B4GALT1: variants seen among roughly 807,000 people sequenced by gnomAD.
The protein encoded by B4GALT1 is N-acetyllactosamine synthase.
B4GALT1 carries 16 observed loss-of-function variants against 34.9 expected under a neutral mutation model. The observed-to-expected ratio is 0.46, with a 90% CI of 0.31 to 0.70. The LOEUF (loss-of-function observed/expected upper bound fraction) is 0.70. B4GALT1 is among the 30% of genes least tolerant of loss of function. The probability of loss-of-function intolerance (pLI) is 0.05; values close to 1 mark genes in which losing one functional copy is unlikely to be tolerated. For synonymous variants in B4GALT1, 221 were observed against 218.1 expected (o/e 1.01, Z -0.12); for missense variants, 445 against 530.5 (o/e 0.84, Z 1.58).
chr9:33,149,816 A>T (rs775439371), intron 1 of B4GALT1, among the ~76,000 whole-genome samples: 6 of 152,164 alleles, frequency 3.9e-5, no homozygotes, highest in Admixed American at 6.5e-5. Flanking sequence ...AAACTGAGAG[A>T]CCTTCTACAA....
At position 33,135,347 on chromosome 9, in the gene B4GALT1, C is replaced by T. The variant is rs148644594; in HGVS notation, c.490G>A (p.Gly164Ser). The T allele has an allele frequency of 1.3e-5, 21 of 1,614,160 alleles. No homozygotes were observed. The African/African-American group carries it at 2.5e-4, about 19-fold the overall frequency. ...CAGTCCCTGGGGGCATAGCGGCCGC[C>T]CATCTTCACATTTGGGTTCTGCTTT... is the stretch of plus-strand genomic sequence containing the variant. ...VAKQNPNVKM[G>S]GRYAPRDCVS... is the part of the protein sequence containing the mutation. Residue 164 changes from glycine to serine, a missense_variant, in exon 2 of 6, where the codon GGC becomes AGC. Gly to Ser is a moderately conservative substitution (Grantham distance 56, BLOSUM62 0). Coordinates refer to ENST00000379731, the MANE Select transcript of B4GALT1 (RefSeq NM_001497.4).
chr9:33,117,378 T>G (rs556393925), intron 3 of B4GALT1, among the ~76,000 whole-genome samples: 95 of 152,330 alleles, frequency 6.2e-4, no homozygotes, highest in Middle Eastern at 3.4e-3. Context: ...TTCCAAAACT[T>G]TTTGTATTTT....
intron 1 of B4GALT1, among the ~76,000 whole-genome samples, chr9:33,136,504 A>G (rs1340117536): frequency 6.6e-6 from 1 of 152,228 alleles, no homozygotes; most frequent in East Asian, 1.9e-4. Context: ...CAAGATGCTT[A>G]ATGGAAAAAC....
At chr9:33,162,509 A>G (rs990753712) in intron 1 of B4GALT1, among the ~76,000 whole-genome samples, 9 of 152,222 alleles carry the variant, frequency 5.9e-5, no homozygotes, top group African/African-American at 2.2e-4. Flanking sequence ...GGATATCCAT[A>G]CAAGATCACC....
chr9:33,105,518 T>G (rs1315353638), intron 2 of B4GALT1, among the ~76,000 whole-genome samples: 1 of 152,250 alleles, frequency 6.6e-6, no homozygotes, highest in African/African-American at 2.4e-5. Flanking sequence ...TGTAAAGTTC[T>G]GTGGCATAAA....
the B4GALT1 span, among the ~76,000 whole-genome samples, chr9:33,183,415 A>G: frequency 6.7e-6 from 1 of 148,676 alleles, no homozygotes; most frequent in East Asian, 2.0e-4. Context: ...CTGGATTAAG[A>G]AAATGTGGCA....
rs1840005738 is a variant in B4GALT1 at position 33,120,491 on chromosome 9, T to C, written c.764A>G (p.Asn255Ser). Residue 255 changes from asparagine to serine, a missense_variant, in exon 3 of 6, where the codon AAT becomes AGT. By Grantham distance (46) the Asn-to-Ser change is conservative (BLOSUM62 1). Transcript: ENST00000379731. Reference sequence around the variant, plus strand: ...AAAACACCTGTACGCATTATGGTCATTCATTGGAATGAGGTCCACGTCACT... The same window carrying C: ...AAAACACCTGTACGCATTATGGTCACTCATTGGAATGAGGTCCACGTCACT... ...VFSDVDLIPM[N>S]DHNAYRCFSQ... is the part of the protein sequence containing the mutation. 1 of 1,614,210 alleles carries C rather than the reference T, an allele frequency of 6.2e-7. No individual in the cohort carries two copies. Among genetic ancestry groups the C allele is most frequent in the East Asian group, 2.2e-5 (1 of 44,890 alleles).
intron 2 of B4GALT1, among the ~76,000 whole-genome samples, chr9:33,131,761 T>C (rs1840196652): frequency 6.6e-6 from 1 of 152,260 alleles, no homozygotes; most frequent in African/African-American, 2.4e-5. Context: ...AATCCCTTTC[T>C]TCTTCTAGAA....
In B4GALT1 at chr9:33,111,183, T is replaced by TG. The variant is rs745322216; in HGVS notation, c.*2270dup. 1.6e-5 allele frequency: 2 copies of TG among 123,278 alleles called. No homozygotes were observed. Among genetic ancestry groups the TG allele is most frequent in the Non-Finnish European group, 3.2e-5 (2 of 63,256 alleles). The allele number at this position is 123,278 out of a possible 1,614,324, so 7.6% of individuals were successfully genotyped here. A position where few individuals can be genotyped will look rare whatever the true frequency, so the allele number is the denominator to read the frequency against. On this transcript the variant is annotated 3_prime_UTR_variant, in exon 6 of 6. Transcript: ENST00000379731. Reference sequence around the variant, plus strand: ...CCCATGAGAGCACTACGTCAGCAAATGGGGGGAGCAGTATTTCCCTTGGTT... The same window carrying TG: ...CCCATGAGAGCACTACGTCAGCAAATGGGGGGGAGCAGTATTTCCCTTGGTT...
Position 33,150,160 on chromosome 9 carries a change from C to CAT in B4GALT1, c.413-14738_413-14737dup, listed in dbSNP as rs1554687994. ...ATAGATATAGATATATACACACACA[C>CAT]ATATATATGAGAGAGAGAGATCTAG... is the stretch of plus-strand genomic sequence containing the variant. On this transcript the variant is annotated intron_variant, in intron 1 of 5. Transcript: ENST00000379731. Among the ~76,000 whole-genome samples the CAT allele has an allele frequency of 5.3e-5, 8 of 150,898 alleles. No individual in the cohort carries two copies. The South Asian group carries it at 1.7e-3, about 31-fold the overall frequency.
intron 1 of B4GALT1, among the ~76,000 whole-genome samples, chr9:33,147,245 C>CT (rs59219360): frequency 3.2e-3 from 434 of 136,512 alleles, no homozygotes; most frequent in East Asian, 0.02. Context: ...ACAAGTCATT[C>CT]TTTTTTTTTT....
At chr9:33,122,374 C>T (rs1002875189) in intron 2 of B4GALT1, among the ~76,000 whole-genome samples, 2 of 151,942 alleles carry the variant, frequency 1.3e-5, no homozygotes, top group South Asian at 2.1e-4. Flanking sequence ...CAAAAATTTG[C>T]CAGGCATGGT....
chr9:33,138,392 G>A (rs140137133), intron 1 of B4GALT1, among the ~76,000 whole-genome samples: 7 of 152,258 alleles, frequency 4.6e-5, no homozygotes, highest in Admixed American at 6.5e-5. Flanking sequence ...ACGCCCTGAC[G>A]TGTCCAGTGA....
chr9:33,113,146 G>A lies in B4GALT1; in HGVS notation c.*308C>T, dbSNP rs1034514477. 23 of 386,768 alleles carry A rather than the reference G, an allele frequency of 5.9e-5. No individual in the cohort carries two copies. The highest frequency in any genetic ancestry group is 2.0e-4 in the East Asian group (4 of 20,234). 24.0% of individuals were successfully genotyped at this position (386,768 alleles called of 1,614,324 possible). A position where few individuals can be genotyped will look rare whatever the true frequency, so the allele number is the denominator to read the frequency against. On this transcript the variant is annotated 3_prime_UTR_variant, in exon 6 of 6. Coordinates refer to ENST00000379731, the MANE Select transcript of B4GALT1 (RefSeq NM_001497.4). The stretch of plus-strand genomic sequence containing the variant: ...ACGACAATTTAGCAATTCTATCACC[G>A]GGAATGTGTTCCACGGCCACCAAAT...
chr9:33,106,823 C>T (rs1839800105), downstream of B4GALT1, among the ~76,000 whole-genome samples: 1 of 152,158 alleles, frequency 6.6e-6, no homozygotes, highest in African/African-American at 2.4e-5. Context: ...CTACAGAAGA[C>T]ACAGAGACAC....
intron 1 of B4GALT1, among the ~76,000 whole-genome samples, chr9:33,146,135 T>C (rs1024716389): frequency 1.3e-5 from 2 of 152,146 alleles, no homozygotes; most frequent in South Asian, 2.1e-4. Context: ...TCCCAAGTAG[T>C]GTTTGGTCTC....
chr9:33,131,840 C>T (rs1348289172), intron 2 of B4GALT1, among the ~76,000 whole-genome samples: 1 of 152,214 alleles, frequency 6.6e-6, no homozygotes, highest in Non-Finnish European at 1.5e-5. Context: ...AATGTTTCTC[C>T]TTCCACCTCT....
At chr9:33,161,729 G>T (rs937050900) in intron 1 of B4GALT1, among the ~76,000 whole-genome samples, 9 of 152,312 alleles carry the variant, frequency 5.9e-5, no homozygotes, top group African/African-American at 1.9e-4. Flanking sequence ...AAAACAACTG[G>T]ATTGCTGCTC....
chr9:33,171,175 C>T (rs1840837268), upstream of B4GALT1, among the ~76,000 whole-genome samples: 1 of 152,246 alleles, frequency 6.6e-6, no homozygotes, highest in Non-Finnish European at 1.5e-5. Context: ...TTTGAAGCAA[C>T]AATTTCTCGC....
Sources: allele counts gnomAD v4.1 joint callset (sites outside exome capture counted in the v4.1 genomes callset), GRCh38; gene constraint gnomAD v4.1.1; transcripts MANE v1.5; gene names NCBI Gene and HGNC (gene_info 2026-07-23, HGNC 2026-07-21).